The following RREB1 variants were observed in gnomAD, a reference collection of about 807,000 sequenced individuals.
RREB1 encodes the protein ras responsive element binding protein 1, also known as ras-responsive element-binding protein 1.
Under a neutral mutation model 117.8 loss-of-function variants are expected in RREB1, and 27 were observed. That is an observed-to-expected ratio of 0.23 (90% CI 0.17 to 0.32). The LOEUF (loss-of-function observed/expected upper bound fraction) is 0.32, where lower values mean the gene tolerates loss of function less well. RREB1 is among the 10% of genes least tolerant of loss of function. RREB1 has a pLI of 1.00. For synonymous variants in RREB1, 1,298 were observed against 1,026.7 expected (o/e 1.26, Z -5.05); for missense variants, 2,577 against 2,378.2 (o/e 1.08, Z -1.74).
rs1476755038 is a variant in RREB1, at chr6:7,211,587, G to A, written c.585G>A (p.Gly195=). 1.2e-6 allele frequency: 2 copies of A among 1,614,084 alleles called. No homozygotes were observed. The highest frequency in any genetic ancestry group is 1.7e-6 in the Non-Finnish European group (2 of 1,179,952). Residue 195 remains glycine (G), a synonymous_variant, in exon 8 of 13, where the codon GGG becomes GGA. Transcript: ENST00000379938. ...PAPAKKMVED[G]QSGDLEKKAD... ...TTTTCCCTCAGATGGTAGAAGACGG[G>A]CAGTCAGGTGACTTGGAGAAGAAAG... is the stretch of plus-strand genomic sequence containing the variant.
At chr6:7,210,690 A>C in intron 6 of RREB1, 114 bp from the exon 7 acceptor site, 1 of 824,534 alleles carries the variant, frequency 1.2e-6, no homozygotes, top group Non-Finnish European at 1.9e-6. Context: ...ATTATACCTC[A>C]TATCTCTTAA....
intron 1 of RREB1, among the ~76,000 whole-genome samples, chr6:7,127,965 G>T (rs13193887): frequency 0.46 from 70,541 of 151,878 alleles, 19,727 homozygotes; most frequent in Non-Finnish European, 0.63. Flanking sequence ...TGTGAAGGAA[G>T]TCAGACTGCA....
chr6:7,190,217 A>C (rs919555831), intron 6 of RREB1, among the ~76,000 whole-genome samples: 2 of 152,102 alleles, frequency 1.3e-5, no homozygotes, highest in Non-Finnish European at 2.9e-5. Flanking sequence ...CTACTTGTAA[A>C]TTTTCTATCC....
intron 6 of RREB1, among the ~76,000 whole-genome samples, chr6:7,190,134 A>G (rs1165438372): frequency 6.6e-6 from 1 of 152,236 alleles, no homozygotes; most frequent in Non-Finnish European, 1.5e-5. Flanking sequence ...TTACACGTAC[A>G]CATGGGACAT....
intron 1 of RREB1, among the ~76,000 whole-genome samples, chr6:7,175,617 G>A (rs1764459215): frequency 1.3e-5 from 2 of 152,188 alleles, no homozygotes; most frequent in Admixed American, 6.5e-5. Context: ...TGCTCTTCAC[G>A]TTAGCTGAGG....
At chr6:7,176,235 A>G (rs79787580) in intron 1 of RREB1, among the ~76,000 whole-genome samples, 1 of 152,000 alleles carries the variant, frequency 6.6e-6, no homozygotes, top group Non-Finnish European at 1.5e-5. Context: ...AATTTCTTCA[A>G]CTGTCTTATT....
In RREB1 at chr6:7,182,052, A is replaced by G; in HGVS notation, c.141A>G (p.Pro47=). The G allele has an allele frequency of 1.2e-6, 2 of 1,614,200 alleles. No homozygotes were observed. The highest frequency in any genetic ancestry group is 1.7e-6 in the Non-Finnish European group (2 of 1,180,028). Residue 47 remains proline (P), a synonymous_variant, in exon 4 of 13, where the codon CCA becomes CCG. Transcript: ENST00000379938. The part of the protein sequence containing the change: ...PQGIKSPSKP[P]GPNRIGRRNQ... ...GGATCAAGTCCCCCTCGAAGCCTCC[A>G]GGACCAAATCGGATTGGCAGAAGGA... is the stretch of plus-strand genomic sequence containing the variant.
intron 1 of RREB1, among the ~76,000 whole-genome samples, chr6:7,119,264 T>C (rs1463300337): frequency 6.6e-6 from 1 of 151,852 alleles, no homozygotes; most frequent in Non-Finnish European, 1.5e-5. Context: ...GGCAGGAGAA[T>C]CGCTTGAACC....
intron 4 of RREB1, chr6:7,183,848 CA>C (rs1764930764): frequency 6.6e-6 from 1 of 152,212 alleles, no homozygotes; most frequent in African/African-American, 2.4e-5. Flanking sequence ...GTGGACTAGA[CA>C]GGGAGTGCTG....
intron 8 of RREB1, among the ~76,000 whole-genome samples, chr6:7,219,760 C>A (rs1187867955): frequency 6.6e-6 from 1 of 152,140 alleles, no homozygotes; most frequent in African/African-American, 2.4e-5. Context: ...ATCGTGGTTC[C>A]CGGCCCCTGG....
At chr6:7,221,323 T>C (rs1020599335) in intron 8 of RREB1, among the ~76,000 whole-genome samples, 14 of 152,172 alleles carry the variant, frequency 9.2e-5, no homozygotes, top group South Asian at 4.2e-4. Context: ...CGCCCGCCAC[T>C]GCGCCCGGCT....
At chr6:7,145,663 C>T (rs1201203290) in intron 1 of RREB1, among the ~76,000 whole-genome samples, 1 of 151,778 alleles carries the variant, frequency 6.6e-6, no homozygotes, top group Non-Finnish European at 1.5e-5. Context: ...ACCTATTTTG[C>T]AGGGTCAGGA....
chr6:7,172,923 G>A (rs942048975), intron 1 of RREB1, among the ~76,000 whole-genome samples: 83 of 152,290 alleles, frequency 5.5e-4, no homozygotes, highest in African/African-American at 1.9e-3. Context: ...CCCCAGCCTA[G>A]CCAAGACTCA....
At chr6:7,242,705 G>GC (rs998288263) in intron 11 of RREB1, among the ~76,000 whole-genome samples, 4 of 151,136 alleles carry the variant, frequency 2.6e-5, no homozygotes, top group Admixed American at 6.6e-5. Flanking sequence ...AAAAAAGGGG[G>GC]GGGGGGAAGG....
At chr6:7,217,154 C>T (rs1184206501) in intron 8 of RREB1, 2 of 152,254 alleles carry the variant, frequency 1.3e-5, no homozygotes, top group East Asian at 1.9e-4. Flanking sequence ...TTCTCTGCCC[C>T]GAGATGGGCA....
At chr6:7,138,557 G>A (rs1007119480) in intron 1 of RREB1, among the ~76,000 whole-genome samples, 1 of 152,184 alleles carries the variant, frequency 6.6e-6, no homozygotes, top group African/African-American at 2.4e-5. Flanking sequence ...GGTCAAAGTG[G>A]TGGTTGTTAT....
chr6:7,189,366 G>A lies in RREB1; in HGVS notation c.425+44G>A, dbSNP rs199776565. 4.5e-5 allele frequency: 69 copies of A among 1,522,976 alleles called. No individual in the cohort carries two copies. The African/African-American group carries it at 6.5e-4, about 14-fold the overall frequency. 94.3% of individuals were successfully genotyped at this position (1,522,976 alleles called of 1,614,324 possible). On this transcript the variant is annotated intron_variant, in intron 6 of 12. Coordinates refer to ENST00000379938, the MANE Select transcript of RREB1 (RefSeq NM_001003699.4). ...TGCTTGGGGGGTTGGCTGGTACTTG[G>A]AGGTTGGCAGGCAGGACAGTGGCCT...
chr6:7,217,605 C>T (rs1025792831), intron 8 of RREB1: 6 of 152,094 alleles, frequency 3.9e-5, no homozygotes, highest in African/African-American at 1.4e-4. Flanking sequence ...TCTGTGACCT[C>T]GGGCAAGTGC....
intron 10 of RREB1, among the ~76,000 whole-genome samples, chr6:7,232,574 G>A (rs534182320): frequency 6.6e-6 from 1 of 152,058 alleles, no homozygotes; most frequent in East Asian, 1.9e-4. Flanking sequence ...GAAGGGCCTG[G>A]CGCTGGTCCA....
Sources: gnomAD v4.1 joint callset for allele counts (sites outside exome capture counted in the v4.1 genomes callset) on GRCh38, gnomAD v4.1.1 for gene constraint, MANE v1.5 for transcripts, NCBI Gene and HGNC (gene_info 2026-07-23, HGNC 2026-07-21) for gene names.